Variants in PCDHGC3 observed in about 807,000 individuals in gnomAD.
PCDHGC3 encodes protocadherin gamma subfamily C, 3.
PCDHGC3 carries 26 observed loss-of-function variants against 59.2 expected under a neutral mutation model. That is an observed-to-expected ratio of 0.44 (90% CI 0.32 to 0.61). The LOEUF (loss-of-function observed/expected upper bound fraction) is 0.61, where lower values mean the gene tolerates loss of function less well. PCDHGC3 is among the 20% of genes least tolerant of loss of function. The pLI is 0.05. For synonymous variants in PCDHGC3, 487 were observed against 519.7 expected (o/e 0.94, Z 0.86); for missense variants, 1,080 against 1,221.8 (o/e 0.88, Z 1.73).
chr5:141,496,144 T>C (rs1478887814), intron 2 of PCDHGC3, among the ~76,000 whole-genome samples: 1 of 151,780 alleles, frequency 6.6e-6, no homozygotes, highest in Non-Finnish European at 1.5e-5. Context: ...GAGCCTTTGA[T>C]CGCAGCTCTC....
At chr5:141,495,571 C>T (rs1031548699) in intron 2 of PCDHGC3, among the ~76,000 whole-genome samples, 1 of 152,198 alleles carries the variant, frequency 6.6e-6, no homozygotes, top group African/African-American at 2.4e-5. Flanking sequence ...TCTGCCTCTC[C>T]CTCTCTTCTC....
intron 2 of PCDHGC3, 99 bp downstream of exon 2, chr5:141,494,964 G>A (rs2099757882): frequency 1.3e-6 from 2 of 1,594,380 alleles, no homozygotes; most frequent in Non-Finnish European, 8.5e-7. Context: ...GCTACAGATG[G>A]CTTCTCCCTC....
rs558074504 is a variant in PCDHGC3, at chr5:141,489,065, C to G, written c.2431-5742C>G. On this transcript the variant is annotated intron_variant, in intron 1 of 3. Coordinates refer to ENST00000308177, the MANE Select transcript of PCDHGC3 (RefSeq NM_002588.4). This position sits in a 1 kb window ranked among gnomAD's most constrained non-coding sequence, Gnocchi z 4.5. ...CCACTCAAATTCAGCTCCCCTCCCC[C>G]CTGCCCACCCCCGCCACTCGGTGAC... is the stretch of plus-strand genomic sequence containing the variant. The G allele has an allele frequency of 1.5e-4, 57 of 389,046 alleles. No homozygotes were observed. Among genetic ancestry groups the G allele is most frequent in the African/African-American group, 8.5e-4 (40 of 47,278 alleles). 24.1% of individuals were successfully genotyped at this position (389,046 alleles called of 1,614,324 possible).
At position 141,477,795 on chromosome 5, in the gene PCDHGC3, G is replaced by T. The variant is rs778851755; in HGVS notation, c.1679G>T (p.Arg560Leu). The T allele has an allele frequency of 1.2e-5, 19 of 1,613,946 alleles. 1 individual carries two copies. In the South Asian group the frequency reaches 1.6e-4, roughly 14 times the overall value. Residue 560 changes from arginine (R) to leucine (L), a missense_variant, in exon 1 of 4, where the codon CGC (arginine) becomes CTC (leucine). Transcript: ENST00000308177. The surrounding 1 kb of genome is among the most constrained non-coding windows in gnomAD (Gnocchi z 4.9). ...NISVNIFVTD[R>L]NDNAPQVLYP... ...AGCGTGAACATATTTGTCACTGATC[G>T]CAATGACAATGCCCCCCAGGTCCTA...
intron 2 of PCDHGC3, among the ~76,000 whole-genome samples, chr5:141,495,223 G>T (rs924599140): frequency 6.6e-6 from 1 of 152,208 alleles, no homozygotes; most frequent in South Asian, 2.1e-4. Flanking sequence ...CCTGAGTTGA[G>T]CTGGGCTCCA....
At chr5:141,503,736 T>C (rs1381045077) in intron 2 of PCDHGC3, among the ~76,000 whole-genome samples, 4 of 152,202 alleles carry the variant, frequency 2.6e-5, no homozygotes, top group African/African-American at 9.6e-5. Context: ...TTTGTTGTGA[T>C]GGTATAGAGG....
intron 2 of PCDHGC3, among the ~76,000 whole-genome samples, chr5:141,503,269 C>T (rs1161751693): frequency 6.6e-6 from 1 of 152,116 alleles, no homozygotes; most frequent in Non-Finnish European, 1.5e-5. Flanking sequence ...ACCCCAGCAC[C>T]TGGCTCTGTG....
In PCDHGC3 at chr5:141,487,160, G is replaced by A. The variant is rs1188929436; in HGVS notation, c.2431-7647G>A. 5.0e-6 allele frequency: 8 copies of A among 1,613,830 alleles called. No homozygotes were observed. The highest frequency in any genetic ancestry group is 5.1e-6 in the Non-Finnish European group (6 of 1,179,840). ...ACTCTCTACCTCTGTTACTCTCTTA[G>A]TGTCCTTAGAGGAAGACACTCATCC... On this transcript the variant is annotated intron_variant, in intron 1 of 3. Transcript: ENST00000308177. The surrounding 1 kb of genome is among the most constrained non-coding windows in gnomAD (Gnocchi z 5.0).
intron 2 of PCDHGC3, among the ~76,000 whole-genome samples, chr5:141,497,540 C>A (rs866982821): frequency 7.4e-6 from 1 of 134,944 alleles, no homozygotes; most frequent in African/African-American, 2.8e-5. Context: ...TGCAACAAAC[C>A]TTTTTTTTTT....
At chr5:141,497,500 T>G (rs1468175808) in intron 2 of PCDHGC3, among the ~76,000 whole-genome samples, 2 of 151,562 alleles carry the variant, frequency 1.3e-5, no homozygotes, top group Non-Finnish European at 2.9e-5. Context: ...CTCTCTCCTC[T>G]CTCTGCTTCC....
At chr5:141,481,913 C>CAAAAAA (rs34114744) in intron 1 of PCDHGC3, among the ~76,000 whole-genome samples, 2 of 90,846 alleles carry the variant, frequency 2.2e-5, no homozygotes, top group Non-Finnish European at 4.4e-5. Flanking sequence ...AACTCCATCT[C>CAAAAAA]AAAAAAAAAA....
In PCDHGC3 at chr5:141,489,153, G is replaced by C; in HGVS notation, c.2431-5654G>C. Reference sequence around the variant, plus strand: ...TTTAAGAGGCTGGAAGGAGACATAAGAGACTTCAGCTGCTGCATTCCAAGC... The same window carrying C: ...TTTAAGAGGCTGGAAGGAGACATAACAGACTTCAGCTGCTGCATTCCAAGC... On this transcript the variant is annotated intron_variant, in intron 1 of 3. Coordinates refer to ENST00000308177, the MANE Select transcript of PCDHGC3 (RefSeq NM_002588.4). This position sits in a 1 kb window ranked among gnomAD's most constrained non-coding sequence, Gnocchi z 4.5. 1 of 935,832 alleles carries C rather than the reference G, an allele frequency of 1.1e-6. No individual in the cohort carries two copies. Among genetic ancestry groups the C allele is most frequent in the Non-Finnish European group, 1.6e-6 (1 of 627,178 alleles). The allele number at this position is 935,832 out of a possible 1,614,324, so 58.0% of individuals were successfully genotyped here.
intron 2 of PCDHGC3, among the ~76,000 whole-genome samples, chr5:141,495,550 G>A (rs999176899): frequency 6.6e-6 from 1 of 151,958 alleles, no homozygotes; most frequent in Non-Finnish European, 1.5e-5. Context: ...TCTCTATCTC[G>A]CTTTGCAATC....
At chr5:141,478,785 A>C in intron 1 of PCDHGC3, 1 of 1,482,486 alleles carries the variant, frequency 6.7e-7, no homozygotes, top group Non-Finnish European at 9.0e-7. Flanking sequence ...GACCTAATTC[A>C]CATCCTCAGC....
chr5:141,481,901 G>A (rs1297925755), intron 1 of PCDHGC3, among the ~76,000 whole-genome samples: 2 of 125,298 alleles, frequency 1.6e-5, no homozygotes, highest in Non-Finnish European at 3.2e-5. Context: ...GTGAAAGAGC[G>A]AAACTCCATC....
intron 2 of PCDHGC3, among the ~76,000 whole-genome samples, chr5:141,502,866 C>CTTTTT (rs549047197): frequency 1.6e-5 from 2 of 128,044 alleles, no homozygotes; most frequent in Non-Finnish European, 1.6e-5. Flanking sequence ...GACTCTCTGT[C>CTTTTT]TTTTTTTTTT....
intron 2 of PCDHGC3, among the ~76,000 whole-genome samples, chr5:141,501,984 G>A (rs989251578): frequency 2.0e-5 from 3 of 152,042 alleles, no homozygotes; most frequent in African/African-American, 4.8e-5. Context: ...ATCTGGTCCC[G>A]TTGTCTCCCT....
rs768135284 is a variant in PCDHGC3, at chr5:141,489,277, T to C, written c.2431-5530T>C. ...GACACTCCCACAGCTCGCTGGGAAA[T>C]GGCAAGTGCTGTGCATGTTGTCCTT... On this transcript the variant is annotated intron_variant, in intron 1 of 3. Transcript: ENST00000308177. This position sits in a 1 kb window ranked among gnomAD's most constrained non-coding sequence, Gnocchi z 4.5. 7.1e-6 allele frequency: 11 copies of C among 1,556,078 alleles called. No individual in the cohort carries two copies. Among genetic ancestry groups the C allele is most frequent in the South Asian group, 3.7e-5 (3 of 80,348 alleles).
chr5:141,489,405 G>A lies in PCDHGC3; in HGVS notation c.2431-5402G>A. ...ATGTTGCTCAGGATCTGGGCTTAAA[G>A]ATGACAGATCTGTTGAGCCGGCGGC... On this transcript the variant is annotated intron_variant, in intron 1 of 3. Transcript: ENST00000308177. This position sits in a 1 kb window ranked among gnomAD's most constrained non-coding sequence, Gnocchi z 4.5. The A allele has an allele frequency of 1.2e-6, 2 of 1,614,204 alleles. No individual in the cohort carries two copies. The highest frequency in any genetic ancestry group is 2.2e-5 in the South Asian group (2 of 91,088).
Sources: gnomAD v4.1 joint callset for allele counts (sites outside exome capture counted in the v4.1 genomes callset) on GRCh38, gnomAD v4.1.1 for gene constraint, Gnocchi (gnomAD v3.1) non-coding constraint, MANE v1.5 for transcripts, NCBI Gene and HGNC (gene_info 2026-07-23, HGNC 2026-07-21) for gene names.